The following ANKRD12 variants were observed in gnomAD, a reference collection of about 807,000 sequenced individuals.
ANKRD12 encodes ankyrin repeat domain-containing protein 12.
A neutral mutation model predicts 183.4 loss-of-function variants in ANKRD12; 85 were observed. The ratio of observed to expected loss-of-function variants is 0.46; its 90% CI spans 0.39 to 0.56. The LOEUF is 0.56. ANKRD12 is among the 20% of genes least tolerant of loss of function. The pLI, the probability that ANKRD12 is intolerant of heterozygous loss-of-function variation, is 0.00. For synonymous variants in ANKRD12, 914 were observed against 800.2 expected, an observed-to-expected ratio of 1.14 and a Z score of -2.40; for missense variants, 2,405 against 2,357.1, an observed-to-expected ratio of 1.02 and a Z score of -0.42.
chr18:9,185,960 G>A (rs992983278), intron 2 of ANKRD12, among the ~76,000 whole-genome samples: 2 of 152,204 alleles, frequency 1.3e-5, no homozygotes, highest in Non-Finnish European at 2.9e-5. Flanking sequence ...GCATGTTTAA[G>A]TATAGTGAAG....
chr18:9,256,105 A>C lies in ANKRD12; in HGVS notation c.2838A>C (p.Ser946=), dbSNP rs1233662209. 1.3e-6 allele frequency: 2 copies of C among 1,558,502 alleles called. No homozygotes were observed. Among genetic ancestry groups the C allele is most frequent in the African/African-American group, 2.8e-5 (2 of 71,732 alleles). Reference sequence around the variant, plus strand: ...CAGATAATAGTGAATACAGTAAATCAGAAAAAGGCAAAAATAAAGAAAAAG... The same window carrying C: ...CAGATAATAGTGAATACAGTAAATCCGAAAAAGGCAAAAATAAAGAAAAAG... ...KQSDNSEYSK[S]EKGKNKEKDR... is the part of the protein sequence containing the mutation. Residue 946 remains serine (S), a synonymous_variant, in exon 9 of 13, where the codon TCA becomes TCC. Coordinates refer to ENST00000262126, the MANE Select transcript of ANKRD12 (RefSeq NM_015208.5).
chr18:9,149,279 A>T (rs1173454354), intron 1 of ANKRD12, among the ~76,000 whole-genome samples: 1 of 152,224 alleles, frequency 6.6e-6, no homozygotes, highest in Non-Finnish European at 1.5e-5. Flanking sequence ...ATGCTAAGTG[A>T]TAGAATAATT....
chr18:9,167,216 A>G (rs1252861887), intron 1 of ANKRD12, among the ~76,000 whole-genome samples: 2 of 151,856 alleles, frequency 1.3e-5, no homozygotes, highest in South Asian at 2.1e-4. Context: ...TTTTGGTTCC[A>G]TATGAACTTT....
chr18:9,163,255 G>C (rs1338079111), intron 1 of ANKRD12, among the ~76,000 whole-genome samples: 3 of 151,968 alleles, frequency 2.0e-5, no homozygotes, highest in African/African-American at 7.2e-5. Context: ...CAATTTTTTT[G>C]CATATGGCTA....
intron 6 of ANKRD12, among the ~76,000 whole-genome samples, chr18:9,216,548 T>A (rs1325845943): frequency 6.6e-6 from 1 of 152,240 alleles, no homozygotes; most frequent in Non-Finnish European, 1.5e-5. Context: ...ACCTTCACCT[T>A]GTTCAAGGGT....
intron 8 of ANKRD12, among the ~76,000 whole-genome samples, chr18:9,242,325 G>A (rs181060293): frequency 6.6e-5 from 10 of 152,178 alleles, no homozygotes; most frequent in African/African-American, 2.2e-4. Flanking sequence ...CCAGTGCCTA[G>A]CAACTTAAAG....
chr18:9,186,929 T>G (rs938979131), intron 2 of ANKRD12, among the ~76,000 whole-genome samples: 29 of 151,948 alleles, frequency 1.9e-4, no homozygotes, highest in Non-Finnish European at 8.8e-5. Flanking sequence ...TTTTTTGTAT[T>G]TTTAGTAGAG....
At chr18:9,247,439 A>G (rs540680187) in intron 8 of ANKRD12, among the ~76,000 whole-genome samples, 1 of 152,256 alleles carries the variant, frequency 6.6e-6, no homozygotes, top group African/African-American at 2.4e-5. Flanking sequence ...CGATCGTGCC[A>G]CTGCACTCCA....
chr18:9,162,705 G>A (rs190239267), intron 1 of ANKRD12, among the ~76,000 whole-genome samples: 17 of 152,124 alleles, frequency 1.1e-4, no homozygotes, highest in East Asian at 5.8e-4. Context: ...CCACAACCTC[G>A]CCAGCGTCTG....
intron 8 of ANKRD12, among the ~76,000 whole-genome samples, chr18:9,252,945 C>A (rs184373738): frequency 6.6e-6 from 1 of 152,230 alleles, no homozygotes; most frequent in East Asian, 1.9e-4. Flanking sequence ...TGCATATGTG[C>A]AGAATTTACA....
intron 6 of ANKRD12, among the ~76,000 whole-genome samples, chr18:9,216,553 A>G (rs1216556591): frequency 2.0e-5 from 3 of 152,218 alleles, no homozygotes; most frequent in Non-Finnish European, 2.9e-5. Flanking sequence ...CACCTTGTTC[A>G]AGGGTCAACT....
intron 2 of ANKRD12, among the ~76,000 whole-genome samples, chr18:9,183,732 CT>C (rs2033859861): frequency 6.6e-6 from 1 of 152,018 alleles, no homozygotes; most frequent in Non-Finnish European, 1.5e-5. Flanking sequence ...TCTCGCCCCC[CT>C]TTTTTCCCCG....
chr18:9,161,726 T>C (rs72935274), intron 1 of ANKRD12, among the ~76,000 whole-genome samples: 11,194 of 151,320 alleles, frequency 0.074, 427 homozygotes, highest in African/African-American at 0.084. Context: ...CGGGGTACTA[T>C]GTGATATGTT....
intron 4 of ANKRD12, 90 bp downstream of exon 4, chr18:9,204,634 C>A (rs2035374366): frequency 1.0e-6 from 1 of 981,634 alleles, no homozygotes. Context: ...TACTTTCAAA[C>A]CAGCATATAG....
chr18:9,211,470 G>T (rs1473430741), intron 5 of ANKRD12, 114 bp from the exon 6 acceptor site: 1 of 911,926 alleles, frequency 1.1e-6, no homozygotes, highest in Non-Finnish European at 1.7e-6. Context: ...GGTTGTTAGG[G>T]TGAGAAGGCA....
intron 2 of ANKRD12, among the ~76,000 whole-genome samples, chr18:9,189,091 TGAA>T (rs1262450338): frequency 6.6e-6 from 1 of 152,114 alleles, no homozygotes; most frequent in Non-Finnish European, 1.5e-5. Flanking sequence ...GAAAAGTTCT[TGAA>T]GAACACTAAA....
chr18:9,201,859 G>A (rs934080537), intron 3 of ANKRD12, among the ~76,000 whole-genome samples: 2 of 148,540 alleles, frequency 1.3e-5, no homozygotes, highest in Non-Finnish European at 3.0e-5. Context: ...ACAGAGTGTC[G>A]CTCTTTCACC....
chr18:9,176,697 G>A (rs1163516108), intron 1 of ANKRD12, among the ~76,000 whole-genome samples: 1 of 152,100 alleles, frequency 6.6e-6, no homozygotes, highest in Non-Finnish European at 1.5e-5. Flanking sequence ...AGTTTTTGAT[G>A]TACGTATCTT....
At chr18:9,261,815 G>T (rs1184818951) in intron 9 of ANKRD12, among the ~76,000 whole-genome samples, 1 of 152,034 alleles carries the variant, frequency 6.6e-6, no homozygotes, top group Non-Finnish European at 1.5e-5. Context: ...CTTCCTTTAA[G>T]ATGCAGGTCA....
Sources: allele counts gnomAD v4.1 joint callset (sites outside exome capture counted in the v4.1 genomes callset), GRCh38; gene constraint gnomAD v4.1.1; transcripts MANE v1.5; gene names NCBI Gene and HGNC (gene_info 2026-07-23, HGNC 2026-07-21).